Variants in RIMS2 observed in about 807,000 individuals in gnomAD.
The protein encoded by RIMS2 is regulating synaptic membrane exocytosis 2.
In RIMS2, 59 loss-of-function variants were observed where a neutral mutation model predicts 174.4. The observed-to-expected ratio is 0.34, with a 90% CI of 0.27 to 0.42. RIMS2 has a LOEUF of 0.42. Among genes scored for constraint, RIMS2 ranks in the 10% least tolerant of loss-of-function variants. The pLI is 1.00. For synonymous variants in RIMS2, 606 were observed against 572.5 expected (o/e 1.06, Z -0.84); for missense variants, 1,620 against 1,666.3 (o/e 0.97, Z 0.48).
intron 16 of RIMS2, among the ~76,000 whole-genome samples, chr8:103,981,823 A>G (rs2093927827): frequency 6.6e-6 from 1 of 152,132 alleles, no homozygotes; most frequent in African/African-American, 2.4e-5. Context: ...GCCATTTGAA[A>G]ATGCAAAGAG....
At chr8:103,565,090 T>A (rs2092171153) in intron 1 of RIMS2, among the ~76,000 whole-genome samples, 1 of 152,214 alleles carries the variant, frequency 6.6e-6, no homozygotes, top group South Asian at 2.1e-4. Flanking sequence ...GCTAAAGACA[T>A]GTATGTGTAC....
intron 17 of RIMS2, among the ~76,000 whole-genome samples, chr8:103,999,992 T>A (rs926537259): frequency 3.3e-5 from 5 of 151,754 alleles, no homozygotes; most frequent in African/African-American, 1.2e-4. Context: ...TTATCAAATA[T>A]CTAATGTAGG....
chr8:103,622,605 A>G (rs756002830), intron 1 of RIMS2, among the ~76,000 whole-genome samples: 23 of 152,342 alleles, frequency 1.5e-4, no homozygotes, highest in Non-Finnish European at 2.6e-4. Flanking sequence ...GCAATCTCAT[A>G]CATACAGATG....
At chr8:104,248,564 G>T in intron 20 of RIMS2, 137 bp from the exon 27 acceptor site, 1 of 628,188 alleles carries the variant, frequency 1.6e-6, no homozygotes, top group Non-Finnish European at 2.9e-6. Context: ...GTGGAACTGG[G>T]TATTTGGATC....
At chr8:103,876,631 ATCATCCTCATGCCTT>A (rs1163822441) in intron 3 of RIMS2, among the ~76,000 whole-genome samples, 1 of 150,104 alleles carries the variant, frequency 6.7e-6, no homozygotes, top group Non-Finnish European at 1.5e-5. Context: ...CCCAAAGTCC[ATCATCCTCATGCCTT>A]TCATCCTCAT....
At chr8:104,154,287 G>A (rs1447065) in intron 19 of RIMS2, among the ~76,000 whole-genome samples, 122,530 of 152,004 alleles carry the variant, frequency 0.81, 50,256 homozygotes, top group East Asian at 0.99. Context: ...TAATTTTTCT[G>A]TTACAGTCTA....
chr8:104,059,521 A>G (rs2096937685), intron 19 of RIMS2, among the ~76,000 whole-genome samples: 1 of 147,762 alleles, frequency 6.8e-6, no homozygotes. Context: ...GCAAACAGGG[A>G]CAATTTGACT....
intron 19 of RIMS2, among the ~76,000 whole-genome samples, chr8:104,021,723 T>C (rs1045782670): frequency 6.6e-6 from 1 of 152,232 alleles, no homozygotes; most frequent in Admixed American, 6.5e-5. Flanking sequence ...TTATTTCCTA[T>C]GATCTTGCAT....
chr8:103,970,670 A>G (rs746931859), intron 15 of RIMS2, among the ~76,000 whole-genome samples: 7 of 152,158 alleles, frequency 4.6e-5, no homozygotes, highest in Non-Finnish European at 7.4e-5. Flanking sequence ...CTTTCCCCTC[A>G]TAAGTATCTT....
At chr8:103,942,985 T>A in intron 14 of RIMS2, 59 bp downstream of exon 16, 2 of 1,284,332 alleles carry the variant, frequency 1.6e-6, no homozygotes, top group Non-Finnish European at 2.2e-6. Context: ...TTGAGTGATG[T>A]ATGTGATAAA....
intron 1 of RIMS2, among the ~76,000 whole-genome samples, chr8:103,665,987 G>T (rs549701169): frequency 6.6e-5 from 10 of 152,180 alleles, no homozygotes; most frequent in African/African-American, 2.2e-4. Flanking sequence ...ACATATTTCA[G>T]TTGACTTGTT....
intron 4 of RIMS2, among the ~76,000 whole-genome samples, chr8:103,900,781 C>T (rs974359054): frequency 4.6e-5 from 7 of 152,046 alleles, no homozygotes; most frequent in Admixed American, 6.6e-5. Flanking sequence ...TAGAGTTCTT[C>T]CTCCTGGCAA....
chr8:103,803,578 G>T (rs997097919), intron 3 of RIMS2, among the ~76,000 whole-genome samples: 1 of 152,262 alleles, frequency 6.6e-6, no homozygotes, highest in South Asian at 2.1e-4. Context: ...TGTACAATGA[G>T]ACTTACCCTT....
At chr8:104,223,902 C>T (rs1349265392) in intron 19 of RIMS2, 2 of 872,606 alleles carry the variant, frequency 2.3e-6, no homozygotes, top group Admixed American at 2.5e-5. Context: ...CCCAGCCCCT[C>T]TGCTCTCCGG....
At chr8:104,223,914 A>G in intron 19 of RIMS2, 1 of 794,826 alleles carries the variant, frequency 1.3e-6, no homozygotes, top group Non-Finnish European at 2.0e-6. Flanking sequence ...GCTCTCCGGG[A>G]CTGTGCCGGG....
chr8:104,056,123 G>A (rs1041508132), intron 19 of RIMS2, among the ~76,000 whole-genome samples: 15 of 152,018 alleles, frequency 9.9e-5, no homozygotes, highest in African/African-American at 2.4e-4. Flanking sequence ...TCAACTAACC[G>A]GCCAGGCGTG....
intron 1 of RIMS2, among the ~76,000 whole-genome samples, chr8:103,557,046 G>T (rs1479930734): frequency 6.6e-6 from 1 of 152,212 alleles, no homozygotes; most frequent in Non-Finnish European, 1.5e-5. Context: ...GTTAGGATCA[G>T]TGGTTTAGGA....
At chr8:103,575,650 T>TTA (rs1165787617) in intron 1 of RIMS2, among the ~76,000 whole-genome samples, 2 of 142,296 alleles carry the variant, frequency 1.4e-5, no homozygotes, top group Admixed American at 7.4e-5. Context: ...TATATATAAT[T>TTA]TATATATATA....
chr8:103,591,563 C>T (rs1440616221), intron 1 of RIMS2, among the ~76,000 whole-genome samples: 1 of 150,830 alleles, frequency 6.6e-6, no homozygotes, highest in Non-Finnish European at 1.5e-5. Flanking sequence ...GTCTATAATC[C>T]GTGTTGAATT....
Sources: allele counts gnomAD v4.1 joint callset (sites outside exome capture counted in the v4.1 genomes callset), GRCh38; gene constraint gnomAD v4.1.1; transcripts MANE v1.5; gene names NCBI Gene and HGNC (gene_info 2026-07-23, HGNC 2026-07-21).